Variants in OPHN1 observed in about 807,000 individuals in gnomAD.
OPHN1 encodes oligophrenin-1.
A neutral mutation model predicts 60.7 loss-of-function variants in OPHN1; 11 were observed. That is an observed-to-expected ratio of 0.18 (90% confidence interval 0.11 to 0.30). The LOEUF (loss-of-function observed/expected upper bound fraction) is 0.30, where lower values mean the gene tolerates loss of function less well. OPHN1 is among the 10% of genes least tolerant of loss of function. The pLI, the probability that OPHN1 is intolerant of heterozygous loss-of-function variation, is 1.00. For missense variants in OPHN1, 449 were observed against 611.0 expected, an observed-to-expected ratio of 0.73 and a Z score of 2.80; for synonymous variants, 226 against 222.6, an observed-to-expected ratio of 1.02 and a Z score of -0.14.
chrX:68,289,341 A>G (rs2078059869), intron 3 of OPHN1, among the ~76,000 whole-genome samples: 1 of 112,038 alleles, frequency 8.9e-6, no homozygotes, highest in Non-Finnish European at 1.9e-5. Flanking sequence ...GAGATGGGAA[A>G]AGCAATATGG....
intron 2 of OPHN1, among the ~76,000 whole-genome samples, chrX:68,412,932 T>A (rs972205389): frequency 9.0e-6 from 1 of 111,638 alleles, no homozygotes; most frequent in Non-Finnish European, 1.9e-5. Flanking sequence ...TTTATATCAG[T>A]TTCAGAAGCA....
chrX:68,418,768 C>A lies in OPHN1; in HGVS notation c.154+14099G>T, dbSNP rs541112777. ...TGGTGACTTCACCTGTCTGAGAGCACTAATAATGCCCTGCCTGATTAGTTC... is the reference window on the plus strand; with the variant it reads ...TGGTGACTTCACCTGTCTGAGAGCAATAATAATGCCCTGCCTGATTAGTTC... On this transcript the variant is annotated intron_variant, in intron 2 of 24. Transcript: ENST00000355520. 4.5e-4 allele frequency among the ~76,000 whole-genome samples: 50 copies of A among 111,673 alleles called. No homozygotes were observed. In the South Asian group the frequency reaches 0.019, roughly 42 times the overall value.
intron 2 of OPHN1, among the ~76,000 whole-genome samples, chrX:68,377,252 A>T (rs2078563809): frequency 9.3e-6 from 1 of 107,741 alleles, no homozygotes; most frequent in African/African-American, 3.4e-5. Context: ...GCCCGCTACC[A>T]CGCCCGGCTA....
intron 15 of OPHN1, among the ~76,000 whole-genome samples, chrX:68,126,828 C>T (rs192640990): frequency 1.2e-4 from 13 of 112,148 alleles, no homozygotes; most frequent in Non-Finnish European, 2.3e-4. Context: ...CCATCTTTTC[C>T]TCTAGGTTGG....
chrX:68,119,094 C>CT (rs1191999669), intron 16 of OPHN1, among the ~76,000 whole-genome samples, 154 bp downstream of exon 16: 1 of 111,950 alleles, frequency 8.9e-6, no homozygotes, highest in Non-Finnish European at 1.9e-5. Context: ...AAAAAACAGT[C>CT]TTTGCACATT....
At chrX:68,393,989 G>A (rs1457787030) in intron 2 of OPHN1, among the ~76,000 whole-genome samples, 4 of 89,522 alleles carry the variant, frequency 4.5e-5, no homozygotes, top group Non-Finnish European at 4.3e-5. Context: ...TCCGCCTCCC[G>A]GGTTCACGCC....
At chrX:68,412,515 G>A (rs1438818621) in intron 2 of OPHN1, among the ~76,000 whole-genome samples, 3 of 111,499 alleles carry the variant, frequency 2.7e-5, no homozygotes, top group Non-Finnish European at 5.6e-5. Flanking sequence ...AGTTTAACGT[G>A]TATAGTTTTA....
intron 6 of OPHN1, among the ~76,000 whole-genome samples, chrX:68,230,027 G>A (rs1298786108): frequency 9.0e-6 from 1 of 111,655 alleles, no homozygotes; most frequent in African/African-American, 3.3e-5. Context: ...GACAAAGGGC[G>A]AATATCCAGA....
At chrX:68,421,646 A>G (rs2147786443) in intron 2 of OPHN1, among the ~76,000 whole-genome samples, 1 of 111,629 alleles carries the variant, frequency 9.0e-6, no homozygotes, top group East Asian at 2.8e-4. Flanking sequence ...AAGCTTTTCC[A>G]TGACAGCCTG....
chrX:68,306,788 T>C (rs1374731767), intron 2 of OPHN1, among the ~76,000 whole-genome samples: 3 of 111,818 alleles, frequency 2.7e-5, no homozygotes, highest in Non-Finnish European at 3.8e-5. Context: ...AGTGGCATGA[T>C]TGCAGCTCAC....
At chrX:68,303,803 A>G (rs752912270) in intron 2 of OPHN1, among the ~76,000 whole-genome samples, 1 of 111,187 alleles carries the variant, frequency 9.0e-6, no homozygotes, top group South Asian at 3.8e-4. Context: ...AAAGATAAAT[A>G]CCACATGCTC....
rs753188258 is a variant in OPHN1 at position 68,115,891 on chromosome X, C to T, written c.1362-2652G>A. The stretch of plus-strand genomic sequence containing the variant: ...TGTGCCCAAGGTGGTCAGGGTACAG[C>T]TTGGTTTTACATATTTTTAGGGAGG... On this transcript the variant is annotated intron_variant, in intron 16 of 24. Coordinates refer to ENST00000355520, the MANE Select transcript of OPHN1 (RefSeq NM_002547.3). Among the ~76,000 whole-genome samples, 6 of 111,689 alleles carry T rather than the reference C, an allele frequency of 5.4e-5. No homozygotes were observed. The South Asian group carries it at 2.3e-3, about 42-fold the overall frequency.
chrX:68,201,587 G>A (rs754192353), intron 11 of OPHN1, 32 bp downstream of exon 11: 1 of 1,128,604 alleles, frequency 8.9e-7, no homozygotes, highest in South Asian at 1.8e-5. Context: ...TGGCACGTGG[G>A]GACATTGCCA....
chrX:68,103,837 G>C (rs960777800), intron 18 of OPHN1, among the ~76,000 whole-genome samples: 12 of 111,967 alleles, frequency 1.1e-4, no homozygotes, highest in Non-Finnish European at 1.9e-4. Flanking sequence ...TCAGGCAAGA[G>C]AAAGAAATAA....
intron 2 of OPHN1, among the ~76,000 whole-genome samples, chrX:68,405,366 A>C (rs1253436949): frequency 9.0e-6 from 1 of 111,179 alleles, no homozygotes; most frequent in Non-Finnish European, 1.9e-5. Context: ...ATTTTAAAAA[A>C]ATTTTTTAGA....
At chrX:68,287,179 AAG>A (rs2078046904) in intron 3 of OPHN1, among the ~76,000 whole-genome samples, 1 of 101,362 alleles carries the variant, frequency 9.9e-6, no homozygotes, top group South Asian at 5.0e-4. Context: ...GAAAGAAAGA[AAG>A]AAAGAAAAGG....
rs1186400096 is a variant in OPHN1, at chrX:68,136,942, G to A, written c.1277-17610C>T. On this transcript the variant is annotated intron_variant, in intron 15 of 24. Coordinates refer to ENST00000355520, the MANE Select transcript of OPHN1 (RefSeq NM_002547.3). ...ATATGTATTATGAATATGAGGAAGT[G>A]CATATGGGAAGACTGATACAATATG... Among the ~76,000 whole-genome samples the A allele has an allele frequency of 2.7e-5, 3 of 111,930 alleles. No homozygotes were observed. In the East Asian group the frequency reaches 8.4e-4, roughly 31 times the overall value.
intron 20 of OPHN1, among the ~76,000 whole-genome samples, chrX:68,069,724 A>G (rs1020187147): frequency 1.8e-5 from 2 of 110,713 alleles, no homozygotes; most frequent in Admixed American, 1.9e-4. Context: ...GAGGAGAAAG[A>G]ACTATTTAAG....
At chrX:68,409,564 G>A (rs1225326980) in intron 2 of OPHN1, among the ~76,000 whole-genome samples, 1 of 111,896 alleles carries the variant, frequency 8.9e-6, no homozygotes, top group Non-Finnish European at 1.9e-5. Context: ...TCCAGAAAGA[G>A]GACAAGAAAC....
Sources: gnomAD v4.1 joint callset for allele counts (sites outside exome capture counted in the v4.1 genomes callset) on GRCh38, gnomAD v4.1.1 for gene constraint, MANE v1.5 for transcripts, NCBI Gene and HGNC (gene_info 2026-07-23, HGNC 2026-07-21) for gene names.